Variants in RBFOX1 observed in about 807,000 individuals in gnomAD.
RBFOX1 encodes RNA binding fox-1 homolog 1, also known as RNA binding protein fox-1 homolog 1.
Under a neutral mutation model 57.7 loss-of-function variants are expected in RBFOX1, and 8 were observed. The observed-to-expected ratio is 0.14, with a 90% CI of 0.08 to 0.25. The LOEUF (loss-of-function observed/expected upper bound fraction) is 0.25. Among genes scored for constraint, RBFOX1 ranks in the 10% least tolerant of loss-of-function variants. The pLI, the probability that RBFOX1 is intolerant of heterozygous loss-of-function variation, is 1.00. For missense variants in RBFOX1, 611 were observed against 548.5 expected (o/e 1.11, Z -1.14); for synonymous variants, 326 against 222.4 (o/e 1.47, Z -4.15).
At chr16:6,170,916 G>A (rs1191331217) in intron 1 of RBFOX1, among the ~76,000 whole-genome samples, 3 of 152,122 alleles carry the variant, frequency 2.0e-5, no homozygotes, top group African/African-American at 7.2e-5. Context: ...CAAAGGACAT[G>A]ATGTCTTTCT....
intron 3 of RBFOX1, among the ~76,000 whole-genome samples, chr16:6,813,919 T>C (rs1603628012): frequency 6.6e-6 from 1 of 152,108 alleles, no homozygotes; most frequent in African/African-American, 2.4e-5. Flanking sequence ...CTGGTTACAT[T>C]TCCTTCCTCA....
At position 6,682,291 on chromosome 16, in the gene RBFOX1, T is replaced by C. The variant is rs192735123; in HGVS notation, c.-16+27641T>C. Among the ~76,000 whole-genome samples, 1,149 of 152,248 alleles carry C rather than the reference T, an allele frequency of 7.5e-3. 9 individuals carry two copies. Among genetic ancestry groups the C allele is most frequent in the African/African-American group, 0.026 (1,088 of 41,548 alleles). On this transcript the variant is annotated intron_variant, in intron 3 of 15. Coordinates refer to ENST00000550418, the MANE Select transcript of RBFOX1 (RefSeq NM_018723.4). The stretch of plus-strand genomic sequence containing the variant: ...CACAGCCCTGCCTCCTCTGGAGGGA[T>C]TGAGCTCTCAGGCGTCGATTTCCCA...
chr16:6,967,055 C>T lies in RBFOX1; in HGVS notation c.-15-85002C>T, dbSNP rs74769605. 5.9e-3 allele frequency among the ~76,000 whole-genome samples: 902 copies of T among 152,288 alleles called. 9 individuals carry two copies. The highest frequency in any genetic ancestry group is 0.02 in the African/African-American group (827 of 41,542). ...ATCTGTACGTGCATCCACCCTCCAT[C>T]TATCCATATATCTATACATTCATCC... is the stretch of plus-strand genomic sequence containing the variant. On this transcript the variant is annotated intron_variant, in intron 3 of 15. Coordinates refer to ENST00000550418, the MANE Select transcript of RBFOX1 (RefSeq NM_018723.4).
intron 3 of RBFOX1, among the ~76,000 whole-genome samples, chr16:5,688,944 C>T (rs1336477024): frequency 6.6e-6 from 1 of 152,150 alleles, no homozygotes; most frequent in Non-Finnish European, 1.5e-5. Context: ...GCCACTAACG[C>T]CAGGGGCACA....
chr16:7,434,558 A>G (rs2098707473), intron 4 of RBFOX1, among the ~76,000 whole-genome samples: 1 of 152,148 alleles, frequency 6.6e-6, no homozygotes, highest in Non-Finnish European at 1.5e-5. Context: ...CAGAGGCCCA[A>G]ACACTAAGAC....
chr16:5,765,177 A>T (rs2053732772), intron 3 of RBFOX1, among the ~76,000 whole-genome samples: 1 of 152,170 alleles, frequency 6.6e-6, no homozygotes, highest in South Asian at 2.1e-4. Context: ...TAAGTAGGTA[A>T]ACTTAAAGAA....
chr16:6,446,377 A>T (rs2094486050), intron 2 of RBFOX1, among the ~76,000 whole-genome samples: 1 of 152,204 alleles, frequency 6.6e-6, no homozygotes, highest in Non-Finnish European at 1.5e-5. Context: ...TGCATCTTCA[A>T]AAGGTAGAGA....
intron 4 of RBFOX1, among the ~76,000 whole-genome samples, chr16:6,011,417 G>A (rs2094960644): frequency 6.6e-6 from 1 of 151,940 alleles, no homozygotes; most frequent in African/African-American, 2.4e-5. Context: ...ATAAACAGAG[G>A]TTTTGGGTAT....
intron 1 of RBFOX1, among the ~76,000 whole-genome samples, chr16:6,029,703 G>T (rs1376674556): frequency 6.6e-6 from 1 of 151,356 alleles, no homozygotes; most frequent in Admixed American, 6.6e-5. Context: ...AACATGGGGA[G>T]CGGAGTTTGC....
At chr16:5,911,708 T>G (rs1458853857) in intron 4 of RBFOX1, among the ~76,000 whole-genome samples, 3 of 152,170 alleles carry the variant, frequency 2.0e-5, no homozygotes, top group Non-Finnish European at 4.4e-5. Flanking sequence ...AAGTCCAGGA[T>G]GAAGGCAGAT....
chr16:7,567,151 C>CCTATATATGTATATCCATATATATACCTA, intron 5 of RBFOX1, among the ~76,000 whole-genome samples: 1 of 61,182 alleles, frequency 1.6e-5, no homozygotes, highest in African/African-American at 4.5e-5. Context: ...ATATATATCC[C>CCTATATATGTATATCCATATATATACCTA]TATATATATA....
At chr16:5,390,470 G>A (rs539621259) in intron 1 of RBFOX1, among the ~76,000 whole-genome samples, 4 of 151,712 alleles carry the variant, frequency 2.6e-5, no homozygotes, top group Non-Finnish European at 2.9e-5. Context: ...TATATTTTTC[G>A]TAGAGACGGG....
At chr16:6,349,781 C>G (rs1158894677) in intron 2 of RBFOX1, among the ~76,000 whole-genome samples, 1 of 152,100 alleles carries the variant, frequency 6.6e-6, no homozygotes, top group East Asian at 1.9e-4. Context: ...GATATCTTCT[C>G]CATTTTTCCC....
intron 4 of RBFOX1, among the ~76,000 whole-genome samples, chr16:7,448,625 G>T (rs1378392318): frequency 6.6e-6 from 1 of 152,158 alleles, no homozygotes; most frequent in Non-Finnish European, 1.5e-5. Flanking sequence ...ACGAGATTTG[G>T]CTGGGGGCAC....
intron 2 of RBFOX1, among the ~76,000 whole-genome samples, chr16:6,612,095 T>C (rs1307492088): frequency 1.3e-5 from 2 of 152,182 alleles, no homozygotes; most frequent in South Asian, 4.1e-4. Context: ...AACCCTCCCC[T>C]CTTGCATATG....
chr16:7,468,592 A>G (rs2060962398), intron 4 of RBFOX1, among the ~76,000 whole-genome samples: 1 of 151,562 alleles, frequency 6.6e-6, no homozygotes, highest in Admixed American at 6.6e-5. Context: ...CTTGGTGTTG[A>G]TGTAGGTCCC....
chr16:6,115,224 C>A (rs572473698), intron 1 of RBFOX1, among the ~76,000 whole-genome samples: 4 of 152,172 alleles, frequency 2.6e-5, no homozygotes, highest in Non-Finnish European at 5.9e-5. Context: ...TCCTGCCAGT[C>A]TCCTACCTAA....
At chr16:7,522,481 T>C (rs2077723145) in intron 5 of RBFOX1, among the ~76,000 whole-genome samples, 1 of 152,126 alleles carries the variant, frequency 6.6e-6, no homozygotes, top group Non-Finnish European at 1.5e-5. Flanking sequence ...GACAATAGTT[T>C]TGCTAGAGTA....
rs1555507342 is a variant in RBFOX1, at chr16:6,501,143, T to TA, written c.-63-153460_-63-153459insA. 2.5e-3 allele frequency among the ~76,000 whole-genome samples: 382 copies of TA among 150,280 alleles called. 1 individual carries two copies. The highest frequency in any genetic ancestry group is 4.4e-3 in the Non-Finnish European group (298 of 67,398). On this transcript the variant is annotated intron_variant, in intron 2 of 15. Coordinates refer to ENST00000550418, the MANE Select transcript of RBFOX1 (RefSeq NM_018723.4). ...CCAGTTAAACATTCTTTTTTTTTTT[T>TA]TTTTTTTTTATTTCACTTGAAGTTT...
Sources: gnomAD v4.1 joint callset for allele counts (sites outside exome capture counted in the v4.1 genomes callset) on GRCh38, gnomAD v4.1.1 for gene constraint, MANE v1.5 for transcripts, NCBI Gene and HGNC (gene_info 2026-07-23, HGNC 2026-07-21) for gene names.